The following EGFLAM variants were observed in gnomAD, a reference collection of about 807,000 sequenced individuals.
EGFLAM encodes the protein pikachurin.
A neutral mutation model predicts 113.1 loss-of-function variants in EGFLAM; 79 were observed. That is an observed-to-expected ratio of 0.70 (90% CI 0.58 to 0.84). The LOEUF is 0.84. Ranked by LOEUF, EGFLAM falls within the 40% of genes least tolerant of loss-of-function variation. The pLI, the probability that EGFLAM is intolerant of heterozygous loss-of-function variation, is 0.00. For missense variants in EGFLAM, 1,265 were observed against 1,291.6 expected, an observed-to-expected ratio of 0.98 and a Z score of 0.32; for synonymous variants, 504 against 487.6, an observed-to-expected ratio of 1.03 and a Z score of -0.44.
intron 1 of EGFLAM, among the ~76,000 whole-genome samples, chr5:38,310,575 T>A (rs927615523): frequency 6.6e-6 from 1 of 152,044 alleles, no homozygotes; most frequent in African/African-American, 2.4e-5. Context: ...TTTACCTCCT[T>A]CTCTAGGAAT....
In EGFLAM at chr5:38,407,023, C is replaced by T; in HGVS notation, c.1024C>T (p.Leu342Phe). 1.2e-6 allele frequency: 2 copies of T among 1,614,204 alleles called. No individual in the cohort carries two copies. The highest frequency in any genetic ancestry group is 1.7e-6 in the Non-Finnish European group (2 of 1,180,034). Residue 342 changes from leucine (L) to phenylalanine (F), a missense_variant, in exon 8 of 22, where the codon CTC (leucine) becomes TTC (phenylalanine). Physicochemically the swap from Leu to Phe is conservative, Grantham distance 22 (BLOSUM62 0). Transcript: ENST00000322350. ...GKNGVAIMSR[L>F]FDMPCDETLC... The stretch of plus-strand genomic sequence containing the variant: ...GAATGGTGTGGCCATAATGTCAAGG[C>T]TCTTTGACATGCCTTGTGATGAAAC...
intron 17 of EGFLAM, among the ~76,000 whole-genome samples, chr5:38,440,154 C>T (rs144373900): frequency 1.1e-3 from 171 of 152,236 alleles, no homozygotes; most frequent in African/African-American, 3.6e-3. Flanking sequence ...GAATGGATGA[C>T]GGCAGAGGGA....
chr5:38,367,979 A>C (rs1207296441), intron 5 of EGFLAM, among the ~76,000 whole-genome samples: 1 of 152,250 alleles, frequency 6.6e-6, no homozygotes, highest in Non-Finnish European at 1.5e-5. Flanking sequence ...TTTCTGCATT[A>C]AATGGACAAC....
chr5:38,332,176 C>T (rs370422016), intron 1 of EGFLAM, among the ~76,000 whole-genome samples: 16 of 152,112 alleles, frequency 1.1e-4, no homozygotes, highest in Non-Finnish European at 1.9e-4. Flanking sequence ...TCCCTGATGA[C>T]GTATGATGTG....
intron 1 of EGFLAM, among the ~76,000 whole-genome samples, chr5:38,322,665 C>T (rs1458888642): frequency 1.3e-5 from 2 of 152,162 alleles, no homozygotes; most frequent in African/African-American, 4.8e-5. Flanking sequence ...CCTGGAATTA[C>T]ACTTGGGAAT....
chr5:38,435,239 G>A lies in EGFLAM; in HGVS notation c.2269G>A (p.Gly757Arg), dbSNP rs202066673. 1.2e-5 allele frequency: 20 copies of A among 1,613,766 alleles called. No homozygotes were observed. Among genetic ancestry groups the A allele is most frequent in the East Asian group, 2.2e-5 (1 of 44,888 alleles). ...CTCGGGTGTCCTGAAGCCTTTCAGC[G>A]GGAGCATCCAGAAGGTACAGGCATC... ...KNSGVLKPFS[G>R]SIQKIILNDR... Residue 757 changes from glycine (G) to arginine (R), a missense_variant, in exon 16 of 22, where the codon GGG (glycine) becomes AGG (arginine). Physicochemically the swap from Gly to Arg is moderately radical, Grantham distance 125. Coordinates refer to ENST00000322350, the MANE Select transcript of EGFLAM (RefSeq NM_152403.4).
chr5:38,274,989 T>C lies in EGFLAM; in HGVS notation c.97+16138T>C, dbSNP rs74734189. ...AAGTTAAAGTGTAGAGATTTTTTTTTCCAATCAAAGTTAAGTTGTTATTAG... is the reference window on the plus strand; with the variant it reads ...AAGTTAAAGTGTAGAGATTTTTTTTCCCAATCAAAGTTAAGTTGTTATTAG... On this transcript the variant is annotated intron_variant, in intron 1 of 21. Coordinates refer to ENST00000322350, the MANE Select transcript of EGFLAM (RefSeq NM_152403.4). 8.9e-3 allele frequency among the ~76,000 whole-genome samples: 1,360 copies of C among 152,160 alleles called. 22 individuals carry two copies. The highest frequency in any genetic ancestry group is 0.045 in the East Asian group (235 of 5,172).
At chr5:38,373,419 C>T (rs1404447568) in intron 6 of EGFLAM, among the ~76,000 whole-genome samples, 2 of 152,180 alleles carry the variant, frequency 1.3e-5, no homozygotes, top group Non-Finnish European at 2.9e-5. Flanking sequence ...CCAACCTCCC[C>T]GCTGCCTTTT....
intron 1 of EGFLAM, among the ~76,000 whole-genome samples, chr5:38,308,864 G>C (rs908387892): frequency 6.6e-6 from 1 of 152,188 alleles, no homozygotes; most frequent in Admixed American, 6.5e-5. Flanking sequence ...GCTGTGTTGA[G>C]TTGAACAGGT....
rs1409122652 is a variant in EGFLAM, at chr5:38,451,688, T to G, written c.2687+230T>G. 4 of 557,884 alleles carry G rather than the reference T, an allele frequency of 7.2e-6. No homozygotes were observed. The East Asian group carries it at 1.3e-4, about 18-fold the overall frequency. 34.6% of individuals were successfully genotyped at this position (557,884 alleles called of 1,614,324 possible). On this transcript the variant is annotated intron_variant, in intron 19 of 21. Transcript: ENST00000322350. ...GCCAAATCTGACCCACCACTCTTTT[T>G]TGTAAATAAAGTCTTGCTGGGGCCG...
At chr5:38,292,684 ATC>A (rs1561266213) in intron 1 of EGFLAM, among the ~76,000 whole-genome samples, 1 of 152,222 alleles carries the variant, frequency 6.6e-6, no homozygotes, top group African/African-American at 2.4e-5. Context: ...ATGTGTTCCT[ATC>A]ATGAAAATTT....
chr5:38,328,117 C>T (rs1738936032), intron 1 of EGFLAM, among the ~76,000 whole-genome samples: 1 of 152,178 alleles, frequency 6.6e-6, no homozygotes, highest in Non-Finnish European at 1.5e-5. Flanking sequence ...CATGGTTCTG[C>T]AGGCTGTGCA....
chr5:38,449,951 C>T (rs1579949639), intron 18 of EGFLAM, among the ~76,000 whole-genome samples: 1 of 152,206 alleles, frequency 6.6e-6, no homozygotes, highest in East Asian at 1.9e-4. Context: ...TCCTCAGCGT[C>T]TTCTCCAGAG....
chr5:38,395,857 A>T (rs80288647), intron 6 of EGFLAM, among the ~76,000 whole-genome samples: 1 of 152,064 alleles, frequency 6.6e-6, no homozygotes, highest in African/African-American at 2.4e-5. Flanking sequence ...ATGTATGTCA[A>T]TTTTCGGTTA....
At chr5:38,419,399 T>C (rs1183637838) in intron 12 of EGFLAM, among the ~76,000 whole-genome samples, 2 of 152,268 alleles carry the variant, frequency 1.3e-5, no homozygotes, top group Middle Eastern at 3.4e-3. Flanking sequence ...TGGCAAGAAA[T>C]GGCAAGTCTC....
rs748527893 is a variant in EGFLAM, at chr5:38,406,867, T to A, written c.868T>A (p.Phe290Ile). Residue 290 changes from phenylalanine to isoleucine, a missense_variant, in exon 8 of 22, where the codon TTT (phenylalanine) becomes ATT (isoleucine). Phe to Ile is a conservative substitution (Grantham distance 21). Coordinates refer to ENST00000322350, the MANE Select transcript of EGFLAM (RefSeq NM_152403.4). ...LPATKGGNKK[F>I]LVESKKMSIS... The stretch of plus-strand genomic sequence containing the variant: ...TGCTACCAAAGGAGGGAATAAGAAA[T>A]TTTTGGTGGAAAGCAAGAAGATGTC... 3.7e-6 allele frequency: 6 copies of A among 1,614,084 alleles called. No homozygotes were observed. Among genetic ancestry groups the A allele is most frequent in the Non-Finnish European group, 5.1e-6 (6 of 1,179,960 alleles).
intron 6 of EGFLAM, chr5:38,403,590 G>T (rs1038512393): frequency 3.2e-5 from 15 of 466,270 alleles, no homozygotes; most frequent in African/African-American, 2.6e-4. Context: ...ATGGAGCACG[G>T]ATATGCCAGA....
intron 1 of EGFLAM, among the ~76,000 whole-genome samples, chr5:38,279,463 C>T (rs1214793759): frequency 6.6e-6 from 1 of 152,148 alleles, no homozygotes; most frequent in Non-Finnish European, 1.5e-5. Flanking sequence ...ATGGCATCAA[C>T]CTAAGAGTTC....
intron 1 of EGFLAM, among the ~76,000 whole-genome samples, chr5:38,334,716 C>A (rs1295315598): frequency 3.3e-5 from 5 of 152,104 alleles, no homozygotes. Context: ...AGCAAAAATT[C>A]TTTAAAAAGT....
Sources: allele counts gnomAD v4.1 joint callset (sites outside exome capture counted in the v4.1 genomes callset), GRCh38; gene constraint gnomAD v4.1.1; transcripts MANE v1.5; gene names NCBI Gene and HGNC (gene_info 2026-07-23, HGNC 2026-07-21).